Variants in TKTL1 observed in about 807,000 individuals in gnomAD.
TKTL1 encodes the protein transketolase like 1.
In TKTL1, 1 loss-of-function variant was observed where a neutral mutation model predicts 39.3. The observed-to-expected ratio is 0.03, with a 90% CI of 0.01 to 0.12. The LOEUF (loss-of-function observed/expected upper bound fraction) is 0.12, where lower values mean the gene tolerates loss of function less well. TKTL1 is among the 10% of genes least tolerant of loss of function. The pLI is 1.00. For missense variants in TKTL1, 575 were observed against 509.6 expected (o/e 1.13, Z -1.24); for synonymous variants, 262 against 193.8 (o/e 1.35, Z -2.92).
At chrX:154,319,934 G>C (rs1219504547) in intron 7 of TKTL1, among the ~76,000 whole-genome samples, 1 of 111,860 alleles carries the variant, frequency 8.9e-6, no homozygotes, top group Non-Finnish European at 1.9e-5. Flanking sequence ...GGACTTCTGG[G>C]GAAGGGGGGT....
chrX:154,313,385 C>T (rs1557168796), intron 6 of TKTL1, among the ~76,000 whole-genome samples: 1 of 111,793 alleles, frequency 8.9e-6, no homozygotes, highest in Non-Finnish European at 1.9e-5. Context: ...GTATCAAGTC[C>T]TTTTGGTTTT....
At chrX:154,302,816 C>G (rs1557166244) in intron 1 of TKTL1, among the ~76,000 whole-genome samples, 3 of 111,545 alleles carry the variant, frequency 2.7e-5, no homozygotes, top group African/African-American at 9.8e-5. Flanking sequence ...AGATTGGAGA[C>G]ACACAGACAC....
chrX:154,320,763 G>C lies in TKTL1; in HGVS notation c.1036G>C (p.Val346Leu), dbSNP rs372864317. 8.3e-7 allele frequency: 1 copy of C among 1,211,390 alleles called. No individual in the cohort carries two copies. Among genetic ancestry groups the C allele is most frequent in the Non-Finnish European group, 1.1e-6 (1 of 895,048 alleles). The part of the protein sequence containing the change: ...CFMAEQNMVS[V>L]ALGCASRGRT... ...CATGTTCTCTGTGCTGCAGGTGAGC[G>C]TGGCTCTGGGCTGTGCCTCCCGTGG... The change falls in exon 8 of 13, where the codon GTG becomes CTG. Residue 346 changes from valine (V) to leucine (L), a missense_variant. Coordinates refer to ENST00000369915, the MANE Select transcript of TKTL1 (RefSeq NM_012253.4).
Position 154,329,660 on chromosome X carries a change from T to A in TKTL1, c.1763T>A (p.Val588Glu). 2.5e-6 allele frequency: 3 copies of A among 1,211,608 alleles called. No individual in the cohort carries two copies. Among genetic ancestry groups the A allele is most frequent in the Non-Finnish European group, 3.4e-6 (3 of 895,168 alleles). The change falls in exon 13 of 13, where the codon GTG becomes GAG. Residue 588 changes from valine (V) to glutamate (E), a missense_variant. By Grantham distance (121) the Val-to-Glu change is moderately radical. Transcript: ENST00000369915. Reference sequence around the variant, plus strand: ...GGAATTAGTGCCAGACATATCATAGTGGCCGTGAAATGCATGTTGCTGAAC... The same window carrying A: ...GGAATTAGTGCCAGACATATCATAGAGGCCGTGAAATGCATGTTGCTGAAC... ...MYGISARHIIVAVKCMLLN is the reference protein window; with the variant it reads ...MYGISARHIIEAVKCMLLN
Position 154,312,735 on chromosome X carries a change from A to C in TKTL1, c.826A>C (p.Arg276=), listed in dbSNP as rs782138785. 5.8e-6 allele frequency: 7 copies of C among 1,210,659 alleles called. No homozygotes were observed. In the South Asian group the frequency reaches 1.2e-4, roughly 21 times the overall value. ...ACCTGAAGTCAACATCACAGATGTA[A>C]GGATGACCTCTCCACCTGATTACAG... is the stretch of plus-strand genomic sequence containing the variant. ...DSPEVNITDV[R]MTSPPDYRVG... is the part of the protein sequence containing the mutation. Residue 276 remains arginine, a synonymous_variant, in exon 6 of 13, where the codon AGG becomes CGG. Coordinates refer to ENST00000369915, the MANE Select transcript of TKTL1 (RefSeq NM_012253.4).
chrX:154,306,679 C>T (rs911385287), intron 2 of TKTL1, among the ~76,000 whole-genome samples: 3 of 110,190 alleles, frequency 2.7e-5, no homozygotes, highest in African/African-American at 9.9e-5. Context: ...CGCTCTTGCC[C>T]AGGCTTGAGT....
At chrX:154,302,742 C>A (rs1266772491) in intron 1 of TKTL1, among the ~76,000 whole-genome samples, 1 of 111,784 alleles carries the variant, frequency 8.9e-6, no homozygotes, top group African/African-American at 3.3e-5. Flanking sequence ...GAGATAAGAT[C>A]ATCCTGGACT....
In TKTL1 at chrX:154,320,836, C is replaced by T. The variant is rs1557170516; in HGVS notation, c.1109C>T (p.Ala370Val). Reference sequence around the variant, plus strand: ...ACCTTTGCTGCCTTTCTGACTCGAGCATTTGATCACATCCGGATAGGAGGC... The same window carrying T: ...ACCTTTGCTGCCTTTCTGACTCGAGTATTTGATCACATCCGGATAGGAGGC... Reference protein sequence around the residue: ...ASTFAAFLTRAFDHIRIGGLA... With the variant: ...ASTFAAFLTRVFDHIRIGGLA... The change falls in exon 8 of 13, where the codon GCA (alanine) becomes GTA (valine). Residue 370 changes from alanine (A) to valine (V), a missense_variant. Physicochemically the swap from Ala to Val is moderately conservative, Grantham distance 64 (BLOSUM62 0). Coordinates refer to ENST00000369915, the MANE Select transcript of TKTL1 (RefSeq NM_012253.4). 2.5e-6 allele frequency: 3 copies of T among 1,209,003 alleles called. No homozygotes were observed. The highest frequency in any genetic ancestry group is 3.5e-5 in the African/African-American group (2 of 57,011).
At chrX:154,297,499 G>A (rs925153124) in intron 1 of TKTL1, among the ~76,000 whole-genome samples, 1 of 110,877 alleles carries the variant, frequency 9.0e-6, no homozygotes, top group Non-Finnish European at 1.9e-5. Context: ...CTCGTGATCC[G>A]CCCGCCTCGG....
At chrX:154,313,254 C>T (rs1217314776) in intron 6 of TKTL1, among the ~76,000 whole-genome samples, 2 of 112,582 alleles carry the variant, frequency 1.8e-5, no homozygotes, top group Non-Finnish European at 3.7e-5. Context: ...TCTGTGTCTC[C>T]GCTAAGAAGA....
At position 154,315,162 on chromosome X, in the gene TKTL1, C is replaced by T. The variant is rs782100715; in HGVS notation, c.865-11C>T. The T allele has an allele frequency of 3.3e-5, 40 of 1,204,088 alleles. No homozygotes were observed. The highest frequency in any genetic ancestry group is 3.6e-5 in the South Asian group (2 of 55,908). ...AAGAAACTCTACCACCTGATTGTCT[C>T]TGTCTTCTAGATAGCTACTCGGAAA... On this transcript the variant is annotated splice_polypyrimidine_tract_variant and intron_variant, in intron 6 of 12. Coordinates refer to ENST00000369915, the MANE Select transcript of TKTL1 (RefSeq NM_012253.4).
chrX:154,304,472 T>C (rs782351485), intron 1 of TKTL1, among the ~76,000 whole-genome samples: 1 of 109,991 alleles, frequency 9.1e-6, no homozygotes, highest in South Asian at 3.9e-4. Context: ...GGCTCATGCC[T>C]GTAATCCCAG....
chrX:154,319,323 T>C (rs959598553), intron 7 of TKTL1, among the ~76,000 whole-genome samples: 4 of 112,585 alleles, frequency 3.6e-5, no homozygotes, highest in East Asian at 2.8e-4. Flanking sequence ...AGCATAGTTA[T>C]TTCAAATTGT....
chrX:154,296,860 A>G (rs2067233404), intron 1 of TKTL1, among the ~76,000 whole-genome samples: 1 of 111,962 alleles, frequency 8.9e-6, no homozygotes, highest in Non-Finnish European at 1.9e-5. Context: ...ACAAAATGTT[A>G]CAAAAATTAG....
At position 154,327,620 on chromosome X, in the gene TKTL1, C is replaced by G; in HGVS notation, c.1431C>G (p.Val477=). The change falls in exon 11 of 13, where the codon GTC becomes GTG. Residue 477 remains valine (V), a synonymous_variant. Coordinates refer to ENST00000369915, the MANE Select transcript of TKTL1 (RefSeq NM_012253.4). ...KVLRHCVSDK[V]TVIGAGITVY... ...TCCGCCACTGTGTCAGTGACAAGGTCACAGTTATTGGAGCTGGAATTACTG... is the reference window on the plus strand; with the variant it reads ...TCCGCCACTGTGTCAGTGACAAGGTGACAGTTATTGGAGCTGGAATTACTG... The G allele has an allele frequency of 8.3e-7, 1 of 1,210,964 alleles. No homozygotes were observed. The highest frequency in any genetic ancestry group is 1.1e-6 in the Non-Finnish European group (1 of 894,977).
chrX:154,328,879 C>T (rs2067515408), intron 12 of TKTL1, among the ~76,000 whole-genome samples: 1 of 111,836 alleles, frequency 8.9e-6, no homozygotes, highest in South Asian at 3.7e-4. Context: ...GAACCATGGG[C>T]CAGGTGGAGT....
At chrX:154,314,438 G>A (rs2067381807) in intron 6 of TKTL1, among the ~76,000 whole-genome samples, 1 of 111,722 alleles carries the variant, frequency 9.0e-6, no homozygotes, top group Non-Finnish European at 1.9e-5. Flanking sequence ...GGAGATGTAG[G>A]AATAGAATTC....
chrX:154,327,043 A>G (rs2067498037), intron 10 of TKTL1: 1 of 170,355 alleles, frequency 5.9e-6, no homozygotes, highest in African/African-American at 3.0e-5. Flanking sequence ...GCAACAATCT[A>G]TGAAAGAAGC....
Position 154,327,793 on chromosome X carries a change from T to TTCTGAG in TKTL1, c.1499-42_1499-37dup, listed in dbSNP as rs1365461180. On this transcript the variant is annotated intron_variant, in intron 11 of 12. Transcript: ENST00000369915. Reference sequence around the variant, plus strand: ...TTTTTATTTTTATCCCTGCATGTTATTCTGAGTCTCTTTCTTGTACCAAGC... The same window carrying TTCTGAG: ...TTTTTATTTTTATCCCTGCATGTTATTCTGAGTCTGAGTCTCTTTCTTGTACCAAGC... The TTCTGAG allele has an allele frequency of 5.8e-6, 7 of 1,209,999 alleles. No homozygotes were observed. The East Asian group carries it at 2.1e-4, about 36-fold the overall frequency.
Sources: gnomAD v4.1 joint callset for allele counts (sites outside exome capture counted in the v4.1 genomes callset) on GRCh38, gnomAD v4.1.1 for gene constraint, MANE v1.5 for transcripts, NCBI Gene and HGNC (gene_info 2026-07-23, HGNC 2026-07-21) for gene names.